The following TRA2A variants were observed in gnomAD, a reference collection of about 807,000 sequenced individuals.
TRA2A encodes the protein transformer-2 protein homolog alpha.
TRA2A carries 31 observed loss-of-function variants against 45.7 expected under a neutral mutation model. The ratio of observed to expected loss-of-function variants is 0.68; its 90% CI spans 0.51 to 0.92. The LOEUF is 0.92. Ranked by LOEUF, TRA2A falls within the 40% of genes least tolerant of loss-of-function variation. TRA2A has a pLI of 0.00. For missense variants in TRA2A, 304 were observed against 367.5 expected (o/e 0.83, Z 1.41); for synonymous variants, 132 against 126.2 (o/e 1.05, Z -0.31).
intron 5 of TRA2A, among the ~76,000 whole-genome samples, chr7:23,506,835 G>A (rs1789359692): frequency 6.6e-6 from 1 of 152,166 alleles, no homozygotes; most frequent in African/African-American, 2.4e-5. Context: ...GAGTGCAGTG[G>A]TGCGATCTCG....
intron 4 of TRA2A, among the ~76,000 whole-genome samples, chr7:23,511,067 G>GT (rs897517933): frequency 3.3e-5 from 5 of 151,952 alleles, no homozygotes; most frequent in Non-Finnish European, 7.4e-5. Flanking sequence ...AGAACTTACT[G>GT]TTTTTAAAAG....
At position 23,531,832 on chromosome 7, in the gene TRA2A, A is replaced by G; in HGVS notation, c.-8T>C. The G allele has an allele frequency of 6.2e-7, 1 of 1,613,762 alleles. No homozygotes were observed. The highest frequency in any genetic ancestry group is 8.5e-7 in the Non-Finnish European group (1 of 1,180,016). On this transcript the variant is annotated 5_prime_UTR_variant, in exon 1 of 8. Coordinates refer to ENST00000297071, the MANE Select transcript of TRA2A (RefSeq NM_013293.5). ...TTCCTCCACATCACTCATGTCGACG[A>G]GGCGCTCCCCAGAACTAAATAAGAG...
At chr7:23,516,557 T>A (rs1205401625) in intron 2 of TRA2A, 29 bp from the exon 3 acceptor site, 1 of 1,608,720 alleles carries the variant, frequency 6.2e-7, no homozygotes, top group East Asian at 2.2e-5. Flanking sequence ...TAGGTAAAAA[T>A]ACTGAAACAA....
intron 1 of TRA2A, among the ~76,000 whole-genome samples, chr7:23,526,421 C>A (rs565196587): frequency 6.6e-6 from 1 of 152,278 alleles, no homozygotes; most frequent in East Asian, 1.9e-4. Flanking sequence ...ATGACACTGG[C>A]GCTCTATTTC....
Position 23,518,428 on chromosome 7 carries a change from G to A in TRA2A, c.171-1900C>T, listed in dbSNP as rs187958543. On this transcript the variant is annotated intron_variant, in intron 2 of 7. Transcript: ENST00000297071. The stretch of plus-strand genomic sequence containing the variant: ...ACAATCTCAGCTCACTGCAACCTCC[G>A]CCTTCTGGGTTCAAGTGATTCTCCT... 2.0e-5 allele frequency among the ~76,000 whole-genome samples: 3 copies of A among 151,866 alleles called. 1 individual carries two copies. The highest frequency in any genetic ancestry group is 6.8e-3 in the Middle Eastern group (2 of 292).
At position 23,521,790 on chromosome 7, in the gene TRA2A, T is replaced by A. The variant is rs1584137336; in HGVS notation, c.87A>T (p.Lys29Asn). The A allele has an allele frequency of 1.9e-6, 3 of 1,614,096 alleles. No homozygotes were observed. Among genetic ancestry groups the A allele is most frequent in the Non-Finnish European group, 2.5e-6 (3 of 1,179,992 alleles). The stretch of plus-strand genomic sequence containing the variant: ...TACGAGATCCTGACCTGCTCTCCGA[T>A]TTTACACGAGCAGGAGTTCCCGTTG... ...KSPTGTPARV[K>N]SESRSGSRSP... The change falls in exon 2 of 8, where the codon AAA becomes AAT. Residue 29 changes from lysine (K) to asparagine (N), a missense_variant. Transcript: ENST00000297071.
chr7:23,516,919 C>T (rs951065113), intron 2 of TRA2A, among the ~76,000 whole-genome samples: 1 of 151,584 alleles, frequency 6.6e-6, no homozygotes, highest in Non-Finnish European at 1.5e-5. Flanking sequence ...ACCATCCTGG[C>T]CAACATGTTG....
Position 23,505,531 on chromosome 7 carries a change from AAT to A in TRA2A, c.*26_*27del. Reference sequence around the variant, plus strand: ...AAAAAAAAAAAAAAAGAGGAAAAAAAATGTCCTTAATTGCAACCATTCCGTTA... The same window carrying A: ...AAAAAAAAAAAAAAAGAGGAAAAAAAGTCCTTAATTGCAACCATTCCGTTA... On this transcript the variant is annotated 3_prime_UTR_variant, in exon 8 of 8. Coordinates refer to ENST00000297071, the MANE Select transcript of TRA2A (RefSeq NM_013293.5). 1 of 501,414 alleles carries A rather than the reference AAT, an allele frequency of 2.0e-6. No individual in the cohort carries two copies. Among genetic ancestry groups the A allele is most frequent in the Non-Finnish European group, 3.6e-6 (1 of 278,492 alleles). The allele number at this position is 501,414 out of a possible 1,614,324, so 31.1% of individuals were successfully genotyped here. A position where few individuals can be genotyped will look rare whatever the true frequency, so the allele number is the denominator to read the frequency against.
chr7:23,523,795 T>C (rs916340905), intron 1 of TRA2A, among the ~76,000 whole-genome samples: 1 of 152,204 alleles, frequency 6.6e-6, no homozygotes, highest in Non-Finnish European at 1.5e-5. Flanking sequence ...ATTCAGTATC[T>C]TATAAAAAAA....
At chr7:23,522,090 G>A in intron 1 of TRA2A, 1 of 1,327,920 alleles carries the variant, frequency 7.5e-7, no homozygotes, top group South Asian at 1.6e-5. Context: ...TCTACAACTT[G>A]ATCATACAGA....
chr7:23,506,382 G>C, intron 5 of TRA2A, 116 bp from the exon 6 acceptor site: 1 of 1,276,926 alleles, frequency 7.8e-7, no homozygotes, highest in Non-Finnish European at 1.0e-6. Flanking sequence ...CCTTTCATGA[G>C]AAATTGCCTC....
chr7:23,523,386 G>T (rs1790215646), intron 1 of TRA2A, among the ~76,000 whole-genome samples: 1 of 152,224 alleles, frequency 6.6e-6, no homozygotes, highest in Admixed American at 6.5e-5. Context: ...AGGCACTTAT[G>T]ATCAAAACAG....
At chr7:23,507,611 A>T in intron 4 of TRA2A, 76 bp from the exon 5 acceptor site, 1 of 1,020,128 alleles carries the variant, frequency 9.8e-7, no homozygotes, top group Non-Finnish European at 1.5e-6. Context: ...TTAAGCACAA[A>T]GTATATGTAA....
chr7:23,513,149 T>C, intron 3 of TRA2A, 67 bp from the exon 4 acceptor site: 1 of 1,202,518 alleles, frequency 8.3e-7, no homozygotes. Flanking sequence ...CAGAAATACT[T>C]TGTTTAGAAC....
intron 5 of TRA2A, chr7:23,507,128 GT>G: frequency 1.9e-5 from 6 of 318,518 alleles, no homozygotes; most frequent in South Asian, 1.3e-4. Context: ...CCCTACTTAT[GT>G]TTTTTTTCTT....
At chr7:23,525,854 G>A (rs932436064) in intron 1 of TRA2A, among the ~76,000 whole-genome samples, 1 of 151,938 alleles carries the variant, frequency 6.6e-6, no homozygotes, top group African/African-American at 2.4e-5. Context: ...CCTCAGCCTC[G>A]CAAAGTGCTG....
chr7:23,520,849 C>T (rs745963307), intron 2 of TRA2A, among the ~76,000 whole-genome samples: 12 of 151,940 alleles, frequency 7.9e-5, no homozygotes, highest in Non-Finnish European at 1.2e-4. Context: ...CCCGCCACCC[C>T]GCCCAGCTAA....
intron 4 of TRA2A, among the ~76,000 whole-genome samples, chr7:23,511,131 G>T (rs1221762446): frequency 6.6e-6 from 1 of 151,918 alleles, no homozygotes; most frequent in Non-Finnish European, 1.5e-5. Flanking sequence ...CAACACCTTG[G>T]GAGGCTGAGG....
rs1023644812 is a variant in TRA2A, at chr7:23,504,819, C to T, written c.*740G>A. 6.6e-6 allele frequency: 1 copy of T among 152,518 alleles called. No homozygotes were observed. Among genetic ancestry groups the T allele is most frequent in the African/African-American group, 2.4e-5 (1 of 41,420 alleles). The allele number at this position is 152,518 out of a possible 1,614,324, so 9.4% of individuals were successfully genotyped here. ...AGCTTTTATTTGAGACTACTTTTCC[C>T]CACATGTATCTTTTAAGAATTCTAT... On this transcript the variant is annotated 3_prime_UTR_variant, in exon 8 of 8. Transcript: ENST00000297071.
Sources: allele counts gnomAD v4.1 joint callset (sites outside exome capture counted in the v4.1 genomes callset), GRCh38; gene constraint gnomAD v4.1.1; transcripts MANE v1.5; gene names NCBI Gene and HGNC (gene_info 2026-07-23, HGNC 2026-07-21).